The following SMOC2 variants were observed in gnomAD, a reference collection of about 807,000 sequenced individuals.
SMOC2 encodes the protein SPARC related modular calcium binding 2, also known as SPARC-related modular calcium-binding protein 2.
Under a neutral mutation model 61.4 loss-of-function variants are expected in SMOC2, and 39 were observed. The ratio of observed to expected loss-of-function variants is 0.64; its 90% CI spans 0.49 to 0.83. SMOC2 has a LOEUF of 0.83. Ranked by LOEUF, SMOC2 falls within the 40% of genes least tolerant of loss-of-function variation. SMOC2 has a pLI of 0.00. For synonymous variants in SMOC2, 247 were observed against 239.9 expected (o/e 1.03, Z -0.27); for missense variants, 556 against 592.9 (o/e 0.94, Z 0.65).
intron 11 of SMOC2, among the ~76,000 whole-genome samples, chr6:168,660,339 T>C (rs944345695): frequency 6.6e-6 from 1 of 152,178 alleles, no homozygotes; most frequent in Non-Finnish European, 1.5e-5. Context: ...TGTCAGTTCC[T>C]TCTAGGACTG....
Position 168,547,162 on chromosome 6 carries a change from T to A in SMOC2, c.555T>A (p.Asp185Glu). The A allele has an allele frequency of 1.2e-6, 2 of 1,613,760 alleles. No homozygotes were observed. The highest frequency in any genetic ancestry group is 1.7e-6 in the Non-Finnish European group (2 of 1,179,944). Residue 185 changes from aspartate (D) to glutamate (E), a missense_variant, in exon 6 of 13, where the codon GAT (aspartate) becomes GAA (glutamate). Transcript: ENST00000356284. ...CGTTGGAGACTCAGCCTCAAGGAGATGAAGAAGGTGAGCCGGGGTGGGGAT... is the reference window on the plus strand; with the variant it reads ...CGTTGGAGACTCAGCCTCAAGGAGAAGAAGAAGGTGAGCCGGGGTGGGGAT... ...APALETQPQG[D>E]EEDIASRYPT...
At chr6:168,615,718 AGG>A (rs370511252) in intron 9 of SMOC2, among the ~76,000 whole-genome samples, 350 of 73,816 alleles carry the variant, frequency 4.7e-3, no homozygotes, top group South Asian at 7.0e-3. Context: ...CAGCCAGCAC[AGG>A]GGGCCTCTTC....
At position 168,475,550 on chromosome 6, in the gene SMOC2, G is replaced by A. The variant is rs552801968; in HGVS notation, c.84+34096G>A. On this transcript the variant is annotated intron_variant, in intron 1 of 12. Coordinates refer to ENST00000356284, the MANE Select transcript of SMOC2 (RefSeq NM_001166412.2). The surrounding 1 kb of genome is among the most constrained non-coding windows in gnomAD (Gnocchi z 4.6). Reference sequence around the variant, plus strand: ...GGCTGGGGAGAGGAGGCCATGGCCAGCGTTGCCTTGGGGGACAGGGCATGA... The same window carrying A: ...GGCTGGGGAGAGGAGGCCATGGCCAACGTTGCCTTGGGGGACAGGGCATGA... 6.6e-6 allele frequency among the ~76,000 whole-genome samples: 1 copy of A among 152,216 alleles called. No homozygotes were observed. Among genetic ancestry groups the A allele is most frequent in the East Asian group, 1.9e-4 (1 of 5,168 alleles).
chr6:168,493,326 C>T (rs977934242), intron 1 of SMOC2, among the ~76,000 whole-genome samples: 1 of 152,140 alleles, frequency 6.6e-6, no homozygotes, highest in Non-Finnish European at 1.5e-5. Flanking sequence ...TGTGAGCCAC[C>T]ACACCTGGCC....
intron 4 of SMOC2, among the ~76,000 whole-genome samples, chr6:168,538,869 G>A (rs1410253382): frequency 6.6e-6 from 1 of 152,096 alleles, no homozygotes; most frequent in Non-Finnish European, 1.5e-5. Flanking sequence ...GTGTTTTGGT[G>A]CAGATAAAAA....
intron 3 of SMOC2, 59 bp from the exon 4 acceptor site, chr6:168,527,569 G>A: frequency 8.7e-6 from 11 of 1,267,106 alleles, no homozygotes; most frequent in Non-Finnish European, 1.2e-5. Flanking sequence ...GGGCCTCGCA[G>A]CCGTGAGGCG....
intron 1 of SMOC2, among the ~76,000 whole-genome samples, chr6:168,468,735 T>C (rs957246241): frequency 2.6e-5 from 4 of 152,092 alleles, no homozygotes; most frequent in Non-Finnish European, 5.9e-5. Flanking sequence ...GGTTTCACCA[T>C]GTTGGCCAGG....
intron 9 of SMOC2, among the ~76,000 whole-genome samples, chr6:168,617,838 G>A (rs553374818): frequency 1.3e-5 from 2 of 152,262 alleles, no homozygotes; most frequent in East Asian, 1.9e-4. Context: ...TCTTCTCTCC[G>A]CCATGCATGG....
rs533731725 is a variant in SMOC2 at position 168,611,427 on chromosome 6, C to T, written c.907+3188C>T. Among the ~76,000 whole-genome samples, 135 of 127,702 alleles carry T rather than the reference C, an allele frequency of 1.1e-3. 5 individuals are homozygous for T. The East Asian group carries it at 0.029, about 27-fold the overall frequency. The allele number at this position is 127,702 out of a possible 152,430, so 83.8% of individuals were successfully genotyped here. ...CATGTCCGGGACCCACCGTGGCTCC[C>T]GTGTCGGGCCTGGCCGTGGCTCCCA... On this transcript the variant is annotated intron_variant, in intron 9 of 12. Coordinates refer to ENST00000356284, the MANE Select transcript of SMOC2 (RefSeq NM_001166412.2).
chr6:168,635,646 A>G (rs575236612), intron 9 of SMOC2, among the ~76,000 whole-genome samples: 2 of 152,164 alleles, frequency 1.3e-5, no homozygotes, highest in South Asian at 4.2e-4. Context: ...CGAGGTGGGT[A>G]GATCACTTGA....
intron 9 of SMOC2, among the ~76,000 whole-genome samples, chr6:168,619,682 C>T (rs9456245): frequency 0.65 from 99,411 of 152,052 alleles, 32,889 homozygotes; most frequent in South Asian, 0.72. Context: ...ACTTACTTCC[C>T]GTTTGCCGCT....
At chr6:168,575,715 C>T (rs1027218938) in intron 7 of SMOC2, among the ~76,000 whole-genome samples, 6 of 152,322 alleles carry the variant, frequency 3.9e-5, no homozygotes, top group South Asian at 4.1e-4. Context: ...AACGGACTTG[C>T]GCCAGGCTCC....
At chr6:168,441,575 G>C (rs947837033) in intron 1 of SMOC2, 121 bp downstream of exon 1, 3 of 1,288,460 alleles carry the variant, frequency 2.3e-6, no homozygotes, top group Non-Finnish European at 3.0e-6. Context: ...AGGTGGCCCC[G>C]GGGGCCGTGG....
At chr6:168,604,393 G>A (rs1432234465) in intron 8 of SMOC2, among the ~76,000 whole-genome samples, 2 of 151,992 alleles carry the variant, frequency 1.3e-5, no homozygotes, top group Non-Finnish European at 1.5e-5. Flanking sequence ...CATGGGTACT[G>A]GGCACCAGGC....
At position 168,536,751 on chromosome 6, in the gene SMOC2, C is replaced by T. The variant is rs544751764; in HGVS notation, c.464-6874C>T. 2.3e-3 allele frequency among the ~76,000 whole-genome samples: 353 copies of T among 152,250 alleles called. 2 individuals are homozygous for T. The highest frequency in any genetic ancestry group is 4.0e-3 in the Admixed American group (61 of 15,306). ...CCCTGGGGGTACTGTGGACCTGGGC[C>T]GTGCCGTCCCTGCTCCAGAATGTCC... On this transcript the variant is annotated intron_variant, in intron 4 of 12. Transcript: ENST00000356284.
At chr6:168,501,405 G>A (rs1315520852) in intron 1 of SMOC2, among the ~76,000 whole-genome samples, 2 of 152,000 alleles carry the variant, frequency 1.3e-5, no homozygotes, top group African/African-American at 4.8e-5. Flanking sequence ...AGCACCATCC[G>A]TCCCTTGCTG....
intron 4 of SMOC2, among the ~76,000 whole-genome samples, chr6:168,528,378 A>G (rs1055766289): frequency 7.9e-5 from 12 of 151,430 alleles, no homozygotes; most frequent in African/African-American, 2.4e-4. Flanking sequence ...CAGACCATCT[A>G]TGAAGAAATG....
chr6:168,662,733 G>A (rs7745020), intron 11 of SMOC2, among the ~76,000 whole-genome samples: 4,645 of 152,288 alleles, frequency 0.031, 260 homozygotes, highest in African/African-American at 0.11. Context: ...AGAGGTGGGC[G>A]GTTCCGGCCA....
At chr6:168,577,164 G>T (rs532144128) in intron 7 of SMOC2, among the ~76,000 whole-genome samples, 3 of 152,162 alleles carry the variant, frequency 2.0e-5, no homozygotes, top group Admixed American at 2.0e-4. Context: ...GGACCAGGAC[G>T]CCATCTAAAC....
Sources: gnomAD v4.1 joint callset for allele counts (sites outside exome capture counted in the v4.1 genomes callset) on GRCh38, gnomAD v4.1.1 for gene constraint, Gnocchi (gnomAD v3.1) non-coding constraint, MANE v1.5 for transcripts, NCBI Gene and HGNC (gene_info 2026-07-23, HGNC 2026-07-21) for gene names.